The following ABHD12 variants were observed in gnomAD, a reference collection of about 807,000 sequenced individuals.
ABHD12 encodes the protein lysophosphatidylserine lipase ABHD12.
Under a neutral mutation model 58.3 loss-of-function variants are expected in ABHD12, and 43 were observed. That is an observed-to-expected ratio of 0.74 (90% CI 0.58 to 0.95). The LOEUF is 0.95. Ranked by LOEUF, ABHD12 falls within the 40% of genes least tolerant of loss-of-function variation. The pLI is 0.00. For synonymous variants in ABHD12, 219 were observed against 211.2 expected, an observed-to-expected ratio of 1.04 and a Z score of -0.32; for missense variants, 539 against 537.2, an observed-to-expected ratio of 1.00 and a Z score of -0.03.
chr20:25,307,053 T>C (rs994837173), intron 9 of ABHD12, 138 bp from the exon 10 acceptor site: 6 of 695,312 alleles, frequency 8.6e-6, no homozygotes, highest in African/African-American at 5.3e-5. Flanking sequence ...AGGGGTGACA[T>C]TGCCAAGGGG....
intron 1 of ABHD12, 116 bp downstream of exon 1, chr20:25,390,397 T>A (rs1252328637): frequency 4.7e-6 from 5 of 1,055,128 alleles, no homozygotes; most frequent in Non-Finnish European, 6.2e-6. Context: ...CGGCCGCGGA[T>A]CGGGCGGACG....
chr20:25,367,958 T>C (rs1193851847), intron 1 of ABHD12, among the ~76,000 whole-genome samples: 1 of 152,244 alleles, frequency 6.6e-6, no homozygotes, highest in Non-Finnish European at 1.5e-5. Context: ...ATGTTCAATT[T>C]TTAAAGAGAC....
At chr20:25,353,772 C>A (rs1302372573) in intron 1 of ABHD12, among the ~76,000 whole-genome samples, 2 of 152,228 alleles carry the variant, frequency 1.3e-5, no homozygotes, top group African/African-American at 4.8e-5. Flanking sequence ...CCTGGGCCAA[C>A]GGCTGTCTGC....
chr20:25,361,834 A>G (rs1198266923), intron 1 of ABHD12, among the ~76,000 whole-genome samples: 1 of 152,058 alleles, frequency 6.6e-6, no homozygotes, highest in Non-Finnish European at 1.5e-5. Flanking sequence ...GGGCGCCTGT[A>G]GTCCCAGCTA....
chr20:25,295,780 A>C (rs985479629), downstream of ABHD12: 5 of 1,267,570 alleles, frequency 3.9e-6, no homozygotes, highest in African/African-American at 7.3e-5. Flanking sequence ...CCTGGGCCAG[A>C]GGGGTTTGTG....
chr20:25,357,765 C>T (rs1016727605), intron 1 of ABHD12, among the ~76,000 whole-genome samples: 6 of 152,270 alleles, frequency 3.9e-5, no homozygotes, highest in Non-Finnish European at 7.4e-5. Context: ...AATCCCAGCA[C>T]TTTGGAAGGA....
intron 1 of ABHD12, among the ~76,000 whole-genome samples, chr20:25,340,193 T>A (rs1286993502): frequency 2.0e-5 from 3 of 152,244 alleles, no homozygotes; most frequent in Non-Finnish European, 4.4e-5. Context: ...ATATGAGAAA[T>A]CAAAGATATT....
In ABHD12 at chr20:25,358,607, T is replaced by C. The variant is rs147647580; in HGVS notation, c.192-19256A>G. ...TCAGTATGTGTCAAAACACAGCAAGTACCCAGAAGAGGCAACAAAGGTACA... is the reference window on the plus strand; with the variant it reads ...TCAGTATGTGTCAAAACACAGCAAGCACCCAGAAGAGGCAACAAAGGTACA... On this transcript the variant is annotated intron_variant, in intron 1 of 12. Transcript: ENST00000339157. Among the ~76,000 whole-genome samples the C allele has an allele frequency of 1.4e-3, 206 of 152,288 alleles. 1 individual carries two copies. The highest frequency in any genetic ancestry group is 4.7e-3 in the African/African-American group (194 of 41,568).
At chr20:25,333,816 T>A (rs961456027) in intron 2 of ABHD12, among the ~76,000 whole-genome samples, 1 of 151,874 alleles carries the variant, frequency 6.6e-6, no homozygotes, top group African/African-American at 2.4e-5. Flanking sequence ...CTCAAAATAA[T>A]AAGAGCTATC....
intron 12 of ABHD12, 95 bp downstream of exon 12, chr20:25,302,124 C>T (rs2088646759): frequency 6.3e-7 from 1 of 1,579,278 alleles, no homozygotes; most frequent in Non-Finnish European, 8.7e-7. Flanking sequence ...CCACTGAGGC[C>T]CCCTGAGCAG....
intron 6 of ABHD12, among the ~76,000 whole-genome samples, chr20:25,314,398 T>C (rs1436600497): frequency 6.6e-6 from 1 of 152,042 alleles, no homozygotes; most frequent in Non-Finnish European, 1.5e-5. Flanking sequence ...ATGCTGCAGG[T>C]TGGGTGCAGT....
intron 2 of ABHD12, 149 bp downstream of exon 2, chr20:25,339,078 G>A (rs1221731378): frequency 7.0e-7 from 1 of 1,433,696 alleles, no homozygotes; most frequent in African/African-American, 1.4e-5. Context: ...AAAGATATAG[G>A]TATATAAACT....
At chr20:25,298,674 C>T (rs1055184998), downstream of ABHD12, among the ~76,000 whole-genome samples, 2 of 152,230 alleles carry the variant, frequency 1.3e-5, no homozygotes, top group Non-Finnish European at 2.9e-5. Context: ...TCCCTTTGCA[C>T]CTGCAACTTT....
intron 2 of ABHD12, 196 bp downstream of exon 2, chr20:25,339,031 T>A: frequency 7.3e-7 from 1 of 1,371,590 alleles, no homozygotes; most frequent in South Asian, 1.5e-5. Context: ...AGCATTCTAG[T>A]TCTCAATCTG....
At chr20:25,383,434 A>C (rs934002680) in intron 1 of ABHD12, among the ~76,000 whole-genome samples, 1 of 152,238 alleles carries the variant, frequency 6.6e-6, no homozygotes, top group Admixed American at 6.5e-5. Context: ...GACCGTGTAC[A>C]TCTCATGACT....
At position 25,322,383 on chromosome 20, in the gene ABHD12, T is replaced by TATATATATA. The variant is rs1568727719; in HGVS notation, c.422+941_422+942insTATATATAT. Among the ~76,000 whole-genome samples, 23 of 31,570 alleles carry TATATATATA rather than the reference T, an allele frequency of 7.3e-4. 1 individual carries two copies. Among genetic ancestry groups the TATATATATA allele is most frequent in the African/African-American group, 1.3e-3 (8 of 6,162 alleles). 20.7% of individuals were successfully genotyped at this position (31,570 alleles called of 152,430 possible). A position where few individuals can be genotyped will look rare whatever the true frequency, so the allele number is the denominator to read the frequency against. On this transcript the variant is annotated intron_variant, in intron 3 of 12. Transcript: ENST00000339157. The stretch of plus-strand genomic sequence containing the variant: ...AAAAGATATATATATATATATATAT[T>TATATATATA]TTTTTTTTTTTTTGAGACAAGAGTC...
At position 25,366,670 on chromosome 20, in the gene ABHD12, T is replaced by C. The variant is rs2089826858; in HGVS notation, c.191+23843A>G. The stretch of plus-strand genomic sequence containing the variant: ...TTCACTCCTGTTTTCTTCTAGTACT[T>C]CTTGGTTTCTTGTTTACAGAGTAAG... On this transcript the variant is annotated intron_variant, in intron 1 of 12. Transcript: ENST00000339157. Among the ~76,000 whole-genome samples, 3 of 152,226 alleles carry C rather than the reference T, an allele frequency of 2.0e-5. No homozygotes were observed. In the South Asian group the frequency reaches 6.2e-4, roughly 32 times the overall value.
rs566191358 is a variant in ABHD12, at chr20:25,363,941, A to G, written c.192-24590T>C. Among the ~76,000 whole-genome samples the G allele has an allele frequency of 1.1e-3, 173 of 152,308 alleles. 1 individual carries two copies. Among genetic ancestry groups the G allele is most frequent in the African/African-American group, 4.0e-3 (167 of 41,570 alleles). On this transcript the variant is annotated intron_variant, in intron 1 of 12. Transcript: ENST00000339157. ...CTTATCAATGAAGAATTAGAAATGAAGGTGCAAAAAAAAGCTTTAGAATAA... is the reference window on the plus strand; with the variant it reads ...CTTATCAATGAAGAATTAGAAATGAGGGTGCAAAAAAAAGCTTTAGAATAA...
intron 1 of ABHD12, among the ~76,000 whole-genome samples, chr20:25,373,589 TCTTA>T (rs748261140): frequency 4.7e-4 from 72 of 152,196 alleles, no homozygotes; most frequent in Non-Finnish European, 8.5e-4. Flanking sequence ...TTCACTGAAT[TCTTA>T]CTTACTTTTC....
Sources: gnomAD v4.1 joint callset for allele counts (sites outside exome capture counted in the v4.1 genomes callset) on GRCh38, gnomAD v4.1.1 for gene constraint, MANE v1.5 for transcripts, NCBI Gene and HGNC (gene_info 2026-07-23, HGNC 2026-07-21) for gene names.